The following FBLN7 variants were observed in gnomAD, a reference collection of about 807,000 sequenced individuals.
FBLN7 encodes the protein fibulin-7.
A neutral mutation model predicts 44.0 loss-of-function variants in FBLN7; 31 were observed. The observed-to-expected ratio is 0.70, with a 90% CI of 0.53 to 0.95. The LOEUF is 0.95. FBLN7 is among the 40% of genes least tolerant of loss of function. The pLI, the probability that FBLN7 is intolerant of heterozygous loss-of-function variation, is 0.00. For synonymous variants in FBLN7, 262 were observed against 253.4 expected (o/e 1.03, Z -0.32); for missense variants, 573 against 618.5 (o/e 0.93, Z 0.78).
chr2:112,140,097 C>CGTCCCTCCCGCCTCTCTCCACGCCAGT (rs1558865249), intron 1 of FBLN7, among the ~76,000 whole-genome samples: 1 of 94,044 alleles, frequency 1.1e-5, no homozygotes, highest in Non-Finnish European at 2.1e-5. Flanking sequence ...TCCACGCCAG[C>CGTCCCTCCCGCCTCTCTCCACGCCAGT]GTCCCTCCCG....
chr2:112,200,683 C>T, the FBLN7 span, among the ~76,000 whole-genome samples: 4 of 151,988 alleles, frequency 2.6e-5, no homozygotes, highest in African/African-American at 4.8e-5. Context: ...TACAGGTGCA[C>T]CACCACCCGG....
chr2:112,196,180 C>T, the FBLN7 span, among the ~76,000 whole-genome samples: 2 of 152,106 alleles, frequency 1.3e-5, no homozygotes, highest in African/African-American at 4.8e-5. Flanking sequence ...TTGTTTTAAA[C>T]CACAATGATT....
chr2:112,198,618 A>G, the FBLN7 span, among the ~76,000 whole-genome samples: 1 of 148,566 alleles, frequency 6.7e-6, no homozygotes, highest in Non-Finnish European at 1.5e-5. Context: ...CCTGGGTGAC[A>G]GAGTGAGATT....
chr2:112,185,731 T>C (rs763768549), intron 7 of FBLN7, among the ~76,000 whole-genome samples: 33 of 152,048 alleles, frequency 2.2e-4, no homozygotes, highest in Non-Finnish European at 3.1e-4. Context: ...GGTGACAGCA[T>C]TCACATAGCC....
chr2:112,159,634 T>G (rs777253912), intron 1 of FBLN7, 42 bp from the exon 2 acceptor site: 1 of 1,461,646 alleles, frequency 6.8e-7, no homozygotes, highest in Admixed American at 2.4e-5. Flanking sequence ...TGGGACTGAG[T>G]CAGTCTCAAT....
chr2:112,194,314 C>A, the FBLN7 span, among the ~76,000 whole-genome samples: 1,494 of 152,362 alleles, frequency 9.8e-3, 9 homozygotes, highest in Middle Eastern at 0.031. Flanking sequence ...CACAAAAATT[C>A]ATCTTTCCTT....
downstream of FBLN7, among the ~76,000 whole-genome samples, chr2:112,193,032 T>C (rs1683537526): frequency 6.6e-6 from 1 of 152,194 alleles, no homozygotes; most frequent in Non-Finnish European, 1.5e-5. Flanking sequence ...TGTCAGTATA[T>C]AGTAAATGTA....
At chr2:112,239,933 G>A in the FBLN7 span, among the ~76,000 whole-genome samples, 1 of 152,162 alleles carries the variant, frequency 6.6e-6, no homozygotes, top group Non-Finnish European at 1.5e-5. Context: ...TGTTCCACCA[G>A]AGGATTGATT....
At chr2:112,241,162 T>C in the FBLN7 span, among the ~76,000 whole-genome samples, 1 of 152,030 alleles carries the variant, frequency 6.6e-6, no homozygotes, top group East Asian at 1.9e-4. Flanking sequence ...TGAATTAAAA[T>C]TCTACAAAAA....
intron 1 of FBLN7, 66 bp from the exon 2 acceptor site, chr2:112,159,610 C>A: frequency 7.0e-7 from 1 of 1,418,522 alleles, no homozygotes; most frequent in Non-Finnish European, 9.3e-7. Flanking sequence ...ATTTCGGAAG[C>A]TCAGACAAGC....
intron 1 of FBLN7, among the ~76,000 whole-genome samples, chr2:112,154,534 G>A (rs953798886): frequency 2.0e-5 from 3 of 152,150 alleles, no homozygotes; most frequent in South Asian, 2.1e-4. Flanking sequence ...GGTCAGCTTC[G>A]AGGGCTGTGC....
the FBLN7 span, chr2:112,238,727 AAAAC>A: frequency 2.2e-6 from 1 of 445,856 alleles, no homozygotes; most frequent in East Asian, 3.7e-5. Flanking sequence ...TCCAGAATTA[AAAAC>A]AAACTAACAA....
the FBLN7 span, among the ~76,000 whole-genome samples, chr2:112,239,094 CTGTAATCAAG>C: frequency 6.6e-6 from 1 of 152,212 alleles, no homozygotes; most frequent in Non-Finnish European, 1.5e-5. Flanking sequence ...ACCCTATTCT[CTGTAATCAAG>C]TTAACTTTAC....
In FBLN7 at chr2:112,187,606, C is replaced by T. The variant is rs576393325; in HGVS notation, c.*100C>T. 28 of 1,511,882 alleles carry T rather than the reference C, an allele frequency of 1.9e-5. No individual in the cohort carries two copies. The highest frequency in any genetic ancestry group is 6.8e-5 in the East Asian group (3 of 44,108). The allele number at this position is 1,511,882 out of a possible 1,614,324, so 93.7% of individuals were successfully genotyped here. On this transcript the variant is annotated 3_prime_UTR_variant, in exon 8 of 8. Transcript: ENST00000331203. This position sits in a 1 kb window ranked among gnomAD's most constrained non-coding sequence, Gnocchi z 5.1. ...CTGCGTGGAGCCTCCCGCCTGTTCC[C>T]GCCCTCTCACCAGTGCACCCAGGCT...
At chr2:112,181,564 T>C (rs1017437681) in intron 4 of FBLN7, among the ~76,000 whole-genome samples, 175 bp from the exon 5 acceptor site, 10 of 152,218 alleles carry the variant, frequency 6.6e-5, no homozygotes, top group African/African-American at 2.2e-4. Context: ...GCGTAGGCCC[T>C]GGACGGGTCG....
downstream of FBLN7, chr2:112,189,641 G>T (rs13408503): frequency 0.052 from 7,913 of 152,244 alleles, 262 homozygotes; most frequent in Middle Eastern, 0.11. Context: ...GGGGCTTTAA[G>T]ACTTTTTATC....
At chr2:112,158,360 A>C (rs919740776) in intron 1 of FBLN7, among the ~76,000 whole-genome samples, 3 of 152,158 alleles carry the variant, frequency 2.0e-5, no homozygotes, top group Non-Finnish European at 4.4e-5. Context: ...ATCCCACCTC[A>C]GCCTTCCAAG....
chr2:112,196,010 GGA>G, the FBLN7 span, among the ~76,000 whole-genome samples: 1 of 152,204 alleles, frequency 6.6e-6, no homozygotes, highest in Admixed American at 6.5e-5. Context: ...TCCAGGCCAA[GGA>G]ACTCACAGAT....
chr2:112,204,679 G>C, the FBLN7 span, among the ~76,000 whole-genome samples: 1 of 152,140 alleles, frequency 6.6e-6, no homozygotes, highest in African/African-American at 2.4e-5. Context: ...AAAAAAAGCT[G>C]TTGACCAAGA....
Sources: allele counts gnomAD v4.1 joint callset (sites outside exome capture counted in the v4.1 genomes callset), GRCh38; gene constraint gnomAD v4.1.1; non-coding constraint Gnocchi (gnomAD v3.1); transcripts MANE v1.5; gene names NCBI Gene and HGNC (gene_info 2026-07-23, HGNC 2026-07-21).